The following PCDHA13 variants were observed in gnomAD, a reference collection of about 807,000 sequenced individuals.
PCDHA13 encodes the protein protocadherin alpha 13.
In PCDHA13, 54 loss-of-function variants were observed where a neutral mutation model predicts 64.8. The observed-to-expected ratio is 0.83, with a 90% CI of 0.67 to 1.04. PCDHA13 has a LOEUF of 1.04. PCDHA13 is among the 50% of genes least tolerant of loss of function. The pLI is 0.00. For missense variants in PCDHA13, 1,248 were observed against 1,254.3 expected, an observed-to-expected ratio of 0.99 and a Z score of 0.08; for synonymous variants, 587 against 564.4, an observed-to-expected ratio of 1.04 and a Z score of -0.57.
intron 1 of PCDHA13, among the ~76,000 whole-genome samples, chr5:140,978,584 C>G (rs2096810786): frequency 6.6e-6 from 1 of 152,186 alleles, no homozygotes; most frequent in African/African-American, 2.4e-5. Flanking sequence ...TGGGAATGTT[C>G]CCTTAATGGG....
chr5:140,937,835 C>T (rs782666689), intron 1 of PCDHA13, among the ~76,000 whole-genome samples: 3 of 151,520 alleles, frequency 2.0e-5, no homozygotes, highest in Non-Finnish European at 2.9e-5. Context: ...TGGCATGAAC[C>T]TGGAAGGCGG....
chr5:140,962,046 G>A (rs2095653396), intron 1 of PCDHA13, among the ~76,000 whole-genome samples: 1 of 151,964 alleles, frequency 6.6e-6, no homozygotes, highest in African/African-American at 2.4e-5. Flanking sequence ...ACCATGCCTG[G>A]CTAATTTTTT....
In PCDHA13 at chr5:140,884,440, G is replaced by A; in HGVS notation, c.2172G>A (p.Ser724=). 1 of 1,613,830 alleles carries A rather than the reference G, an allele frequency of 6.2e-7. No individual in the cohort carries two copies. Among genetic ancestry groups the A allele is most frequent in the Non-Finnish European group, 8.5e-7 (1 of 1,179,814 alleles). The change falls in exon 1 of 4, where the codon TCG becomes TCA. Residue 724 remains serine (S), a synonymous_variant. Transcript: ENST00000289272. ...TLLLYTALRC[S]APPTEGACAP... Reference sequence around the variant, plus strand: ...TGCTGTATACTGCGCTGCGGTGCTCGGCACCGCCCACCGAGGGCGCGTGCG... The same window carrying A: ...TGCTGTATACTGCGCTGCGGTGCTCAGCACCGCCCACCGAGGGCGCGTGCG...
At chr5:140,923,839 A>G (rs2081544977) in intron 1 of PCDHA13, among the ~76,000 whole-genome samples, 1 of 152,236 alleles carries the variant, frequency 6.6e-6, no homozygotes, top group Non-Finnish European at 1.5e-5. Flanking sequence ...CAGTTTAAAT[A>G]GAGAAATGGG....
intron 1 of PCDHA13, among the ~76,000 whole-genome samples, chr5:140,944,328 C>T (rs1478623361): frequency 1.3e-5 from 2 of 152,124 alleles, no homozygotes; most frequent in African/African-American, 4.8e-5. Context: ...GCTGGGATTA[C>T]AAGCACGTGC....
intron 1 of PCDHA13, among the ~76,000 whole-genome samples, chr5:140,903,825 C>A (rs1367828043): frequency 2.0e-5 from 3 of 152,092 alleles, no homozygotes; most frequent in Admixed American, 2.0e-4. Flanking sequence ...ACATGAATGT[C>A]TGTTGGTATT....
Position 140,883,541 on chromosome 5 carries a change from G to T in PCDHA13, c.1273G>T (p.Val425Leu), listed in dbSNP as rs781952906. Residue 425 changes from valine (V) to leucine (L), a missense_variant, in exon 1 of 4, where the codon GTG (valine) becomes TTG (leucine). Physicochemically the swap from Val to Leu is conservative, Grantham distance 32 (BLOSUM62 1). Coordinates refer to ENST00000289272, the MANE Select transcript of PCDHA13 (RefSeq NM_018904.3). Reference sequence around the variant, plus strand: ...GAGCGTATCAGCCTATGAACTGGTGGTGACCGCGCGGGACGGGGGCTCGCC... The same window carrying T: ...GAGCGTATCAGCCTATGAACTGGTGTTGACCGCGCGGGACGGGGGCTCGCC... ...RESVSAYELV[V>L]TARDGGSPSL... 4.3e-6 allele frequency: 7 copies of T among 1,614,116 alleles called. No individual in the cohort carries two copies. In the East Asian group the frequency reaches 1.1e-4, roughly 26 times the overall value.
At chr5:140,958,344 T>A (rs1247122967) in intron 1 of PCDHA13, among the ~76,000 whole-genome samples, 2 of 152,128 alleles carry the variant, frequency 1.3e-5, no homozygotes, top group African/African-American at 4.8e-5. Context: ...CACAGGAAGT[T>A]CACAGTCTGA....
intron 1 of PCDHA13, among the ~76,000 whole-genome samples, chr5:140,911,721 A>G (rs1442469379): frequency 6.6e-6 from 1 of 152,168 alleles, no homozygotes; most frequent in African/African-American, 2.4e-5. Context: ...GTAACTCTGT[A>G]AACAGTTCGT....
chr5:140,990,783 G>A (rs932115900), intron 3 of PCDHA13, among the ~76,000 whole-genome samples: 5 of 152,170 alleles, frequency 3.3e-5, no homozygotes, highest in African/African-American at 7.2e-5. Flanking sequence ...TGTGTTGGAC[G>A]ATGAACCATG....
chr5:140,991,875 G>A (rs2097477734), intron 3 of PCDHA13, among the ~76,000 whole-genome samples: 1 of 152,092 alleles, frequency 6.6e-6, no homozygotes, highest in South Asian at 2.1e-4. Context: ...AGTTTCCTAG[G>A]GCTGCCATAA....
chr5:140,911,894 A>G (rs1352900427), intron 1 of PCDHA13, among the ~76,000 whole-genome samples: 2 of 152,184 alleles, frequency 1.3e-5, no homozygotes, highest in Non-Finnish European at 2.9e-5. Context: ...CAAAATCTGT[A>G]TTAGTCAGAG....
chr5:140,936,200 T>C (rs906256264), intron 1 of PCDHA13, among the ~76,000 whole-genome samples: 4 of 152,322 alleles, frequency 2.6e-5, no homozygotes, highest in African/African-American at 7.2e-5. Context: ...GCCAAAGTTG[T>C]CTTTTTTATT....
intron 1 of PCDHA13, among the ~76,000 whole-genome samples, chr5:140,941,150 G>A (rs894422349): frequency 1.1e-4 from 17 of 151,436 alleles, no homozygotes; most frequent in Non-Finnish European, 1.8e-4. Context: ...TAGTTTGGAG[G>A]CCCCATAAGA....
Position 140,882,871 on chromosome 5 carries a change from C to T in PCDHA13, c.603C>T (p.Asp201=). The change falls in exon 1 of 4, where the codon GAC becomes GAT. Residue 201 remains aspartate (D), a synonymous_variant. Transcript: ENST00000289272. ...CACTTGTACTGAGGAAAACACTGGA[C>T]AGAGAGGAAATTCAGGAACATAGTT... The part of the protein sequence containing the change: ...SLSLVLRKTL[D]REEIQEHSLL... 6.2e-7 allele frequency: 1 copy of T among 1,614,164 alleles called. No homozygotes were observed. The highest frequency in any genetic ancestry group is 2.2e-5 in the East Asian group (1 of 44,884).
rs781904504 is a variant in PCDHA13 at position 140,882,770 on chromosome 5, T to C, written c.502T>C (p.Leu168=). ...SDADIGVNSA[L]TYRLDPNDYF... ...TGCAGATATTGGAGTAAACTCGGCA[T>C]TGACCTACCGACTGGATCCCAACGA... The change falls in exon 1 of 4, where the codon TTG becomes CTG. Residue 168 remains leucine, a synonymous_variant. Transcript: ENST00000289272. 2.5e-6 allele frequency: 4 copies of C among 1,614,144 alleles called. No homozygotes were observed. The highest frequency in any genetic ancestry group is 3.4e-6 in the Non-Finnish European group (4 of 1,180,052).
intron 3 of PCDHA13, among the ~76,000 whole-genome samples, chr5:140,985,532 G>C (rs1358120172): frequency 6.6e-6 from 1 of 152,072 alleles, no homozygotes; most frequent in African/African-American, 2.4e-5. Flanking sequence ...AAAGCTTCAC[G>C]GTGAAGATGC....
chr5:140,900,693 T>A (rs1223398418), intron 1 of PCDHA13, among the ~76,000 whole-genome samples: 1 of 152,242 alleles, frequency 6.6e-6, no homozygotes, highest in African/African-American at 2.4e-5. Flanking sequence ...TATACTGATT[T>A]CCGTTCTTTT....
chr5:140,951,237 T>G (rs1405165070), intron 1 of PCDHA13, among the ~76,000 whole-genome samples: 2 of 152,200 alleles, frequency 1.3e-5, no homozygotes, highest in African/African-American at 4.8e-5. Flanking sequence ...GTCTTTACCT[T>G]TAGGAATGCA....
Sources: allele counts gnomAD v4.1 joint callset (sites outside exome capture counted in the v4.1 genomes callset), GRCh38; gene constraint gnomAD v4.1.1; transcripts MANE v1.5; gene names NCBI Gene and HGNC (gene_info 2026-07-23, HGNC 2026-07-21).